Variants in PURA observed in about 807,000 individuals in gnomAD.
PURA encodes purine rich element binding protein A, also known as transcriptional activator protein Pur-alpha.
A neutral mutation model predicts 23.1 loss-of-function variants in PURA; 2 were observed. That is an observed-to-expected ratio of 0.09 (90% confidence interval 0.04 to 0.27). The LOEUF (loss-of-function observed/expected upper bound fraction) is 0.27, where lower values mean the gene tolerates loss of function less well. PURA is among the 10% of genes least tolerant of loss of function. The pLI, the probability that PURA is intolerant of heterozygous loss-of-function variation, is 1.00. For missense variants in PURA, 187 were observed against 449.7 expected (o/e 0.42, Z 5.28); for synonymous variants, 254 against 205.9 (o/e 1.23, Z -2.00).
rs1429733194 is a variant in PURA at position 140,114,813 on chromosome 5, T to G, written c.632T>G (p.Val211Gly). Residue 211 changes from valine (V) to glycine (G), a missense_variant, in exon 1 of 1, where the codon GTG becomes GGG. Transcript: ENST00000331327. The part of the protein sequence containing the change: ...ALAKLIDDYG[V>G]EEEPAELPEG... ...GCCAAGCTCATCGACGACTACGGAG[T>G]GGAGGAGGAGCCGGCCGAGCTGCCC... is the stretch of plus-strand genomic sequence containing the variant. The G allele has an allele frequency of 6.2e-7, 1 of 1,613,584 alleles. No individual in the cohort carries two copies. Among genetic ancestry groups the G allele is most frequent in the Non-Finnish European group, 8.5e-7 (1 of 1,179,900 alleles).
rs1431386891 is a variant in PURA, at chr5:140,116,020, TAGTAAA to T, written c.*873_*878del. 12 of 167,074 alleles carry T rather than the reference TAGTAAA, an allele frequency of 7.2e-5. No individual in the cohort carries two copies. The highest frequency in any genetic ancestry group is 2.7e-4 in the African/African-American group (11 of 41,456). The allele number at this position is 167,074 out of a possible 1,614,324, so 10.3% of individuals were successfully genotyped here. A position where few individuals can be genotyped will look rare whatever the true frequency, so the allele number is the denominator to read the frequency against. Reference sequence around the variant, plus strand: ...ATGGTTGGAACCAAAGTTATTCAAATAGTAAAAGGAAAAAGAAAGAAAAAGGAGATC... The same window carrying T: ...ATGGTTGGAACCAAAGTTATTCAAATAGGAAAAAGAAAGAAAAAGGAGATC... On this transcript the variant is annotated 3_prime_UTR_variant, in exon 1 of 1. Transcript: ENST00000331327.
In PURA at chr5:140,118,776, A is replaced by C. The variant is rs1163625541; in HGVS notation, c.*3626A>C. 6.0e-6 allele frequency: 1 copy of C among 166,974 alleles called. No individual in the cohort carries two copies. Among genetic ancestry groups the C allele is most frequent in the Non-Finnish European group, 1.5e-5 (1 of 68,048 alleles). The allele number at this position is 166,974 out of a possible 1,614,324, so 10.3% of individuals were successfully genotyped here. On this transcript the variant is annotated 3_prime_UTR_variant, in exon 1 of 1. Transcript: ENST00000331327. Reference sequence around the variant, plus strand: ...GTCTCACTTTCTAGTTGTCCCATGCAGGGGTTGAAATTTGATTCCAAGCGG... The same window carrying C: ...GTCTCACTTTCTAGTTGTCCCATGCCGGGGTTGAAATTTGATTCCAAGCGG...
In PURA at chr5:140,114,562, C is replaced by CCAGCCG; in HGVS notation, c.383_388dup (p.Gln128_Pro129dup). 6.2e-7 allele frequency: 1 copy of CCAGCCG among 1,601,834 alleles called. No individual in the cohort carries two copies. The highest frequency in any genetic ancestry group is 8.5e-7 in the Non-Finnish European group (1 of 1,176,170). ...AGCACTACGCGCAGCTGGGCCCCAG[C>CCAGCCG]CAGCCGCCGGACCTGGCCCAGGCGC... On this transcript the variant is annotated inframe_insertion, in exon 1 of 1. Coordinates refer to ENST00000331327, the MANE Select transcript of PURA (RefSeq NM_005859.5).
rs1763118072 is a variant in PURA, at chr5:140,118,689, G to T, written c.*3539G>T. The stretch of plus-strand genomic sequence containing the variant: ...GTCAGAAAAGACAAACTGTTTTCCA[G>T]CTTCTCAAAAAGCCATGGAGAGTAG... On this transcript the variant is annotated 3_prime_UTR_variant, in exon 1 of 1. Coordinates refer to ENST00000331327, the MANE Select transcript of PURA (RefSeq NM_005859.5). 1 of 166,844 alleles carries T rather than the reference G, an allele frequency of 6.0e-6. No individual in the cohort carries two copies. The highest frequency in any genetic ancestry group is 6.6e-5 in the Admixed American group (1 of 15,258). 10.3% of individuals were successfully genotyped at this position (166,844 alleles called of 1,614,324 possible). A position where few individuals can be genotyped will look rare whatever the true frequency, so the allele number is the denominator to read the frequency against.
rs2126751573 is a variant in PURA, at chr5:140,119,278, A to G, written c.*4128A>G. The G allele has an allele frequency of 6.0e-6, 1 of 166,978 alleles. No individual in the cohort carries two copies. The highest frequency in any genetic ancestry group is 2.1e-4 in the South Asian group (1 of 4,822). 10.3% of individuals were successfully genotyped at this position (166,978 alleles called of 1,614,324 possible). On this transcript the variant is annotated 3_prime_UTR_variant, in exon 1 of 1. Coordinates refer to ENST00000331327, the MANE Select transcript of PURA (RefSeq NM_005859.5). The stretch of plus-strand genomic sequence containing the variant: ...TATAATTGTTTTTCATCAAATTTTA[A>G]TATTTTTGTCAAATTTTTAGGTATT...
Position 140,114,850 on chromosome 5 carries a change from C to T in PURA, c.669C>T (p.Ser223=), listed in dbSNP as rs539704026. ...EEPAELPEGT[S]LTVDNKRFFF... is the part of the protein sequence containing the mutation. ...CGGCCGAGCTGCCCGAGGGCACCTC[C>T]TTGACTGTGGACAACAAGCGCTTCT... The change falls in exon 1 of 1, where the codon TCC becomes TCT. Residue 223 remains serine, a synonymous_variant. Transcript: ENST00000331327. 1.2e-6 allele frequency: 2 copies of T among 1,614,188 alleles called. No individual in the cohort carries two copies. Among genetic ancestry groups the T allele is most frequent in the Middle Eastern group, 1.6e-4 (1 of 6,062 alleles).
Position 140,123,545 on chromosome 5 carries a change from T to C in PURA, c.*8395T>C, listed in dbSNP as rs749378179. The stretch of plus-strand genomic sequence containing the variant: ...CACCCAAAGCAAAAATTATATGCAA[T>C]TAAAAATATTTTATAAGGCCAAGAA... On this transcript the variant is annotated 3_prime_UTR_variant, in exon 1 of 1. Coordinates refer to ENST00000331327, the MANE Select transcript of PURA (RefSeq NM_005859.5). 6.0e-6 allele frequency: 1 copy of C among 166,378 alleles called. No individual in the cohort carries two copies. The highest frequency in any genetic ancestry group is 1.5e-5 in the Non-Finnish European group (1 of 68,076). The allele number at this position is 166,378 out of a possible 1,614,324, so 10.3% of individuals were successfully genotyped here.
At position 140,124,146 on chromosome 5, in the gene PURA, C is replaced by A. The variant is rs937715113; in HGVS notation, c.*8996C>A. On this transcript the variant is annotated 3_prime_UTR_variant, in exon 1 of 1. Transcript: ENST00000331327. Reference sequence around the variant, plus strand: ...TGGTGATATTATGCAACACAGTGTTCAGAATTGCAAAAAAATTTAAAAATT... The same window carrying A: ...TGGTGATATTATGCAACACAGTGTTAAGAATTGCAAAAAAATTTAAAAATT... 1.2e-5 allele frequency: 2 copies of A among 166,804 alleles called. No homozygotes were observed. The highest frequency in any genetic ancestry group is 6.5e-5 in the Admixed American group (1 of 15,270). The allele number at this position is 166,804 out of a possible 1,614,324, so 10.3% of individuals were successfully genotyped here.
At position 140,114,349 on chromosome 5, in the gene PURA, C is replaced by G; in HGVS notation, c.168C>G (p.His56Gln). 3 of 1,579,180 alleles carry G rather than the reference C, an allele frequency of 1.9e-6. No individual in the cohort carries two copies. Among genetic ancestry groups the G allele is most frequent in the Non-Finnish European group, 2.6e-6 (3 of 1,169,016 alleles). The change falls in exon 1 of 1, where the codon CAC becomes CAG. Residue 56 changes from histidine to glutamine, a missense_variant. Coordinates refer to ENST00000331327, the MANE Select transcript of PURA (RefSeq NM_005859.5). ...GCGGGGCCCCAGGGGGGCTGCAGCA[C>G]GAGACGCAGGAGCTGGCCTCCAAGC... ...GGGGAPGGLQHETQELASKRV... is the reference protein window; with the variant it reads ...GGGGAPGGLQQETQELASKRV...
rs1459256415 is a variant in PURA at position 140,118,360 on chromosome 5, TC to T, written c.*3211del. ...ACTGTCAAGTAATTTAATCCAGAGA[TC>T]AGCCACCAGATTTGAAATGCTTATG... On this transcript the variant is annotated 3_prime_UTR_variant, in exon 1 of 1. Coordinates refer to ENST00000331327, the MANE Select transcript of PURA (RefSeq NM_005859.5). The T allele has an allele frequency of 6.0e-6, 1 of 167,056 alleles. No individual in the cohort carries two copies. The highest frequency in any genetic ancestry group is 1.5e-5 in the Non-Finnish European group (1 of 68,066). 10.3% of individuals were successfully genotyped at this position (167,056 alleles called of 1,614,324 possible). A position where few individuals can be genotyped will look rare whatever the true frequency, so the allele number is the denominator to read the frequency against.
In PURA at chr5:140,124,160, A is replaced by T. The variant is rs533181298; in HGVS notation, c.*9010A>T. ...AACACAGTGTTCAGAATTGCAAAAA[A>T]ATTTAAAAATTGATAGTTTTATCAA... On this transcript the variant is annotated 3_prime_UTR_variant, in exon 1 of 1. Coordinates refer to ENST00000331327, the MANE Select transcript of PURA (RefSeq NM_005859.5). The T allele has an allele frequency of 4.8e-5, 8 of 167,200 alleles. No homozygotes were observed. The highest frequency in any genetic ancestry group is 1.9e-4 in the African/African-American group (8 of 41,586). The allele number at this position is 167,200 out of a possible 1,614,324, so 10.4% of individuals were successfully genotyped here.
chr5:140,120,862 A>G lies in PURA; in HGVS notation c.*5712A>G, dbSNP rs774278324. 1 of 166,394 alleles carries G rather than the reference A, an allele frequency of 6.0e-6. No individual in the cohort carries two copies. The highest frequency in any genetic ancestry group is 1.5e-5 in the Non-Finnish European group (1 of 67,896). The allele number at this position is 166,394 out of a possible 1,614,324, so 10.3% of individuals were successfully genotyped here. A position where few individuals can be genotyped will look rare whatever the true frequency, so the allele number is the denominator to read the frequency against. On this transcript the variant is annotated 3_prime_UTR_variant, in exon 1 of 1. Transcript: ENST00000331327. ...ATGTCATAACTACTCATTCATTTTT[A>G]TTTTGTCCCCACGTTTGGTATTTGT...
rs1428883163 is a variant in PURA, at chr5:140,123,437, A to AT, written c.*8293dup. 1 of 166,932 alleles carries AT rather than the reference A, an allele frequency of 6.0e-6. No homozygotes were observed. The highest frequency in any genetic ancestry group is 1.5e-5 in the Non-Finnish European group (1 of 68,036). 10.3% of individuals were successfully genotyped at this position (166,932 alleles called of 1,614,324 possible). ...TTTGCACTATTTATCTTTGCACTTGATTTTTTGAAAGTTAAGGCTAGTCAC... is the reference window on the plus strand; with the variant it reads ...TTTGCACTATTTATCTTTGCACTTGATTTTTTTGAAAGTTAAGGCTAGTCAC... On this transcript the variant is annotated 3_prime_UTR_variant, in exon 1 of 1. Transcript: ENST00000331327.
Position 140,114,598 on chromosome 5 carries a change from G to A in PURA, c.417G>A (p.Pro139=). ...ACCTGGCCCAGGCGCAGGACGAGCCGCGCCGGGCGCTCAAAAGCGAGTTCC... is the reference window on the plus strand; with the variant it reads ...ACCTGGCCCAGGCGCAGGACGAGCCACGCCGGGCGCTCAAAAGCGAGTTCC... The part of the protein sequence containing the change: ...PPDLAQAQDE[P]RRALKSEFLV... Residue 139 remains proline (P), a synonymous_variant, in exon 1 of 1, where the codon CCG becomes CCA. Transcript: ENST00000331327. The A allele has an allele frequency of 6.2e-7, 1 of 1,605,284 alleles. No individual in the cohort carries two copies. The highest frequency in any genetic ancestry group is 8.5e-7 in the Non-Finnish European group (1 of 1,177,502).
rs1051955753 is a variant in PURA, at chr5:140,114,742, C to T, written c.561C>T (p.Thr187=). The T allele has an allele frequency of 6.2e-7, 1 of 1,612,796 alleles. No individual in the cohort carries two copies. The highest frequency in any genetic ancestry group is 1.3e-5 in the African/African-American group (1 of 75,054). The change falls in exon 1 of 1, where the codon ACC becomes ACT. Residue 187 remains threonine, a synonymous_variant. Transcript: ENST00000331327. ...GPGLGSTQGQ[T]IALPAQGLIE... is the part of the protein sequence containing the mutation. ...GCCTGGGCTCCACGCAGGGCCAGAC[C>T]ATTGCGCTGCCCGCGCAGGGGCTCA... is the stretch of plus-strand genomic sequence containing the variant.
chr5:140,114,302 G>GGCGGCA lies in PURA; in HGVS notation c.123_128dup (p.Ser43_Gly44dup), dbSNP rs1039658835. 1.9e-4 allele frequency: 249 copies of GGCGGCA among 1,278,846 alleles called. No homozygotes were observed. Among genetic ancestry groups the GGCGGCA allele is most frequent in the Non-Finnish European group, 2.4e-4 (248 of 1,020,144 alleles). The allele number at this position is 1,278,846 out of a possible 1,614,324, so 79.2% of individuals were successfully genotyped here. ...GGGCGGTGGTGGCGGCGGGGGCGGC[G>GGCGGCA]GCGGCAGTGGCGGCGGCGGCGGCGG... is the stretch of plus-strand genomic sequence containing the variant. On this transcript the variant is annotated inframe_insertion, in exon 1 of 1. Coordinates refer to ENST00000331327, the MANE Select transcript of PURA (RefSeq NM_005859.5).
rs2126752595 is a variant in PURA, at chr5:140,121,828, A to T, written c.*6678A>T. ...TTTAGGTAAGTTACTGGGAACTGAG[A>T]CTTACTGGTTTGGAAATTGGAGAGT... is the stretch of plus-strand genomic sequence containing the variant. On this transcript the variant is annotated 3_prime_UTR_variant, in exon 1 of 1. Transcript: ENST00000331327. 1 of 166,980 alleles carries T rather than the reference A, an allele frequency of 6.0e-6. No homozygotes were observed. Among genetic ancestry groups the T allele is most frequent in the Non-Finnish European group, 1.5e-5 (1 of 67,996 alleles). The allele number at this position is 166,980 out of a possible 1,614,324, so 10.3% of individuals were successfully genotyped here. A position where few individuals can be genotyped will look rare whatever the true frequency, so the allele number is the denominator to read the frequency against.
chr5:140,124,259 T>G lies in PURA; in HGVS notation c.*9109T>G, dbSNP rs1763181605. On this transcript the variant is annotated 3_prime_UTR_variant, in exon 1 of 1. Coordinates refer to ENST00000331327, the MANE Select transcript of PURA (RefSeq NM_005859.5). Reference sequence around the variant, plus strand: ...TTGGTTATTTCATTTTATATTCCCTTTCCCATAGCTTTGTACACACCTCAT... The same window carrying G: ...TTGGTTATTTCATTTTATATTCCCTGTCCCATAGCTTTGTACACACCTCAT... The G allele has an allele frequency of 6.0e-6, 1 of 167,022 alleles. No individual in the cohort carries two copies. Among genetic ancestry groups the G allele is most frequent in the Non-Finnish European group, 1.5e-5 (1 of 68,082 alleles). The allele number at this position is 167,022 out of a possible 1,614,324, so 10.3% of individuals were successfully genotyped here. A position where few individuals can be genotyped will look rare whatever the true frequency, so the allele number is the denominator to read the frequency against.
At position 140,115,039 on chromosome 5, in the gene PURA, G is replaced by A. The variant is rs1286573169; in HGVS notation, c.858G>A (p.Arg286=). The stretch of plus-strand genomic sequence containing the variant: ...TGAAGAAGATTCAAGAGAAGCAGAG[G>A]GAGAAGCGGGCTGCCTGTGAGCAGC... The part of the protein sequence containing the change: ...EEMKKIQEKQ[R]EKRAACEQLH... Residue 286 remains arginine, a synonymous_variant, in exon 1 of 1, where the codon AGG becomes AGA. Coordinates refer to ENST00000331327, the MANE Select transcript of PURA (RefSeq NM_005859.5). This position sits in a 1 kb window ranked among gnomAD's most constrained non-coding sequence, Gnocchi z 4.1. 6.2e-7 allele frequency: 1 copy of A among 1,614,088 alleles called. No homozygotes were observed. The highest frequency in any genetic ancestry group is 1.1e-5 in the South Asian group (1 of 91,080).
Sources: allele counts gnomAD v4.1 joint callset, GRCh38; gene constraint gnomAD v4.1.1; non-coding constraint Gnocchi (gnomAD v3.1); transcripts MANE v1.5; gene names NCBI Gene and HGNC (gene_info 2026-07-23, HGNC 2026-07-21).